Variants in CEP128 observed in about 807,000 individuals in gnomAD.
CEP128 encodes the protein centrosomal protein 128kDa.
In CEP128, 132 loss-of-function variants were observed where a neutral mutation model predicts 156.7. The observed-to-expected ratio is 0.84, with a 90% CI of 0.73 to 0.97. CEP128 has a LOEUF of 0.97. Among genes scored for constraint, CEP128 ranks in the 50% least tolerant of loss-of-function variants. CEP128 has a pLI of 0.00. For missense variants in CEP128, 1,252 were observed against 1,281.9 expected (o/e 0.98, Z 0.36); for synonymous variants, 469 against 448.9 (o/e 1.04, Z -0.57).
chr14:80,955,387 G>A, intron 2 of CEP128: 1 of 516,710 alleles, frequency 1.9e-6, no homozygotes, highest in South Asian at 2.0e-5. Flanking sequence ...GGACAGCCAG[G>A]ACTGGTGTTG....
intron 19 of CEP128, among the ~76,000 whole-genome samples, chr14:80,603,679 T>C (rs1263433575): frequency 6.6e-6 from 1 of 152,152 alleles, no homozygotes; most frequent in Admixed American, 6.5e-5. Flanking sequence ...TTTTCATCAT[T>C]ATTATTTCAT....
chr14:80,864,678 TC>T (rs1887682082), intron 8 of CEP128, among the ~76,000 whole-genome samples: 1 of 152,016 alleles, frequency 6.6e-6, no homozygotes, highest in African/African-American at 2.4e-5. Flanking sequence ...CGCCTCAGTC[TC>T]CCTAGTACCA....
chr14:80,603,106 C>T (rs1373001101), intron 19 of CEP128, among the ~76,000 whole-genome samples: 1 of 152,154 alleles, frequency 6.6e-6, no homozygotes, highest in Non-Finnish European at 1.5e-5. Flanking sequence ...CTGAATGAGG[C>T]CTTTCATTTG....
intron 20 of CEP128, among the ~76,000 whole-genome samples, chr14:80,577,670 T>A (rs1891416003): frequency 6.6e-6 from 1 of 152,220 alleles, no homozygotes; most frequent in South Asian, 2.1e-4. Flanking sequence ...CTTGCCTGCC[T>A]CTAATTATTT....
intron 9 of CEP128, among the ~76,000 whole-genome samples, chr14:80,861,132 G>A (rs909185946): frequency 1.1e-4 from 16 of 151,754 alleles, no homozygotes; most frequent in South Asian, 2.1e-4. Flanking sequence ...AAATGTAGAA[G>A]GAATCATAAA....
In CEP128 at chr14:80,496,614, G is replaced by C. The variant is rs1887506196; in HGVS notation, c.*865C>G. Reference sequence around the variant, plus strand: ...CTCCACTAGGAGATCAGCGTGTAAAGGGAATACGTTCTTAGACACTTTGAT... The same window carrying C: ...CTCCACTAGGAGATCAGCGTGTAAACGGAATACGTTCTTAGACACTTTGAT... On this transcript the variant is annotated 3_prime_UTR_variant, in exon 25 of 25. Transcript: ENST00000555265. 1 of 152,438 alleles carries C rather than the reference G, an allele frequency of 6.6e-6. No homozygotes were observed. The highest frequency in any genetic ancestry group is 2.1e-4 in the South Asian group (1 of 4,826). 9.4% of individuals were successfully genotyped at this position (152,438 alleles called of 1,614,324 possible).
At chr14:80,548,833 T>C (rs894492453) in intron 21 of CEP128, among the ~76,000 whole-genome samples, 19 of 152,202 alleles carry the variant, frequency 1.2e-4, no homozygotes, top group African/African-American at 3.9e-4. Context: ...GCATTCATTA[T>C]GCAATTTCCC....
intron 19 of CEP128, among the ~76,000 whole-genome samples, chr14:80,651,352 C>T (rs2140851054): frequency 6.6e-6 from 1 of 152,156 alleles, no homozygotes; most frequent in Middle Eastern, 3.4e-3. Context: ...TTTTGGTGAT[C>T]TTTTCAAAAA....
chr14:80,843,043 TAA>T (rs71103887), intron 9 of CEP128, among the ~76,000 whole-genome samples: 1 of 150,298 alleles, frequency 6.7e-6, no homozygotes, highest in Non-Finnish European at 1.5e-5. Flanking sequence ...TTATATATAA[TAA>T]AAAAAAAGGT....
intron 20 of CEP128, among the ~76,000 whole-genome samples, chr14:80,574,633 T>C (rs1375866419): frequency 6.6e-6 from 1 of 152,178 alleles, no homozygotes; most frequent in African/African-American, 2.4e-5. Context: ...GCATTCTTTA[T>C]ATTATAACAC....
intron 19 of CEP128, among the ~76,000 whole-genome samples, chr14:80,650,324 G>A (rs946910782): frequency 4.6e-5 from 7 of 152,140 alleles, no homozygotes; most frequent in Admixed American, 1.3e-4. Flanking sequence ...GGGCTGAGAC[G>A]ATGGGGTTTT....
chr14:80,814,541 C>T lies in CEP128; in HGVS notation c.1209+16602G>A, dbSNP rs538138511. Among the ~76,000 whole-genome samples, 11 of 152,108 alleles carry T rather than the reference C, an allele frequency of 7.2e-5. No individual in the cohort carries two copies. The South Asian group carries it at 2.1e-3, about 29-fold the overall frequency. ...ATAATGTATTGTATCTGGAAACTGT[C>T]CTAAGGGCCAGGGCAAACAAAAATG... On this transcript the variant is annotated intron_variant, in intron 13 of 24. Coordinates refer to ENST00000555265, the MANE Select transcript of CEP128 (RefSeq NM_152446.5).
chr14:80,901,114 G>A (rs1595566631), intron 6 of CEP128, among the ~76,000 whole-genome samples: 2 of 151,926 alleles, frequency 1.3e-5, no homozygotes, highest in South Asian at 4.1e-4. Flanking sequence ...GCTGAGGCAG[G>A]AGAATGGCGT....
At chr14:80,840,570 TAAAG>T in intron 10 of CEP128, 108 bp downstream of exon 10, 1 of 645,440 alleles carries the variant, frequency 1.5e-6, no homozygotes, top group Non-Finnish European at 2.7e-6. Context: ...CATAGAAAGA[TAAAG>T]AACTCACAAT....
At chr14:80,682,658 T>A (rs1456419396) in intron 19 of CEP128, among the ~76,000 whole-genome samples, 2 of 152,094 alleles carry the variant, frequency 1.3e-5, no homozygotes, top group Non-Finnish European at 2.9e-5. Flanking sequence ...TGTCCAAGAT[T>A]AATGCTAAAG....
At chr14:80,676,452 T>TAA (rs956795162) in intron 19 of CEP128, among the ~76,000 whole-genome samples, 2 of 147,048 alleles carry the variant, frequency 1.4e-5, no homozygotes, top group Admixed American at 6.7e-5. Context: ...TGATTTTTTT[T>TAA]AAAAAAAAAA....
At chr14:80,862,682 C>A (rs1566678008) in intron 9 of CEP128, 75 bp downstream of exon 9, 8 of 952,862 alleles carry the variant, frequency 8.4e-6, no homozygotes, top group Non-Finnish European at 1.0e-5. Context: ...CTGTCACATG[C>A]AATAACCATT....
intron 2 of CEP128, among the ~76,000 whole-genome samples, chr14:80,935,876 C>T (rs1343706661): frequency 1.3e-5 from 2 of 151,930 alleles, no homozygotes; most frequent in Admixed American, 6.6e-5. Flanking sequence ...CAACAGTAGC[C>T]CTAGAGTAAA....
chr14:80,888,848 T>G (rs1337588658), intron 8 of CEP128, among the ~76,000 whole-genome samples: 2 of 152,192 alleles, frequency 1.3e-5, no homozygotes, highest in Non-Finnish European at 2.9e-5. Flanking sequence ...TTGTCTCCGT[T>G]TGCAGAGGAC....
Sources: allele counts gnomAD v4.1 joint callset (sites outside exome capture counted in the v4.1 genomes callset), GRCh38; gene constraint gnomAD v4.1.1; transcripts MANE v1.5; gene names NCBI Gene and HGNC (gene_info 2026-07-23, HGNC 2026-07-21).